Variants in ZNF121 observed in about 807,000 individuals in gnomAD.
ZNF121 encodes the protein zinc finger protein 121 (clone ZHC32).
Under a neutral mutation model 2.4 loss-of-function variants are expected in ZNF121, and 1 was observed. That is an observed-to-expected ratio of 0.41 (90% CI 0.15 to 1.94). The LOEUF is 1.94. Ranked by LOEUF, ZNF121 falls within the 30% of genes most tolerant of loss-of-function variation. The pLI is 0.30. For missense variants in ZNF121, 369 were observed against 466.3 expected (o/e 0.79, Z 1.92); for synonymous variants, 173 against 158.6 (o/e 1.09, Z -0.68).
chr19:9,566,005 A>G lies in ZNF121; in HGVS notation c.1108T>C (p.Cys370Arg). The G allele has an allele frequency of 1.2e-6, 2 of 1,611,558 alleles. No homozygotes were observed. The highest frequency in any genetic ancestry group is 1.3e-5 in the African/African-American group (1 of 74,874). Residue 370 changes from cysteine (C) to arginine (R), a missense_variant, in exon 4 of 4, where the codon TGT (cysteine) becomes CGT (arginine). By Grantham distance (180) the Cys-to-Arg change is radical (BLOSUM62 -3). Around this residue, in one of 4 missense-constraint regions of ZNF121, gnomAD observed 127 missense variants for 169.9 expected, o/e 0.75. Coordinates refer to ENST00000320451, the MANE Select transcript of ZNF121 (RefSeq NM_001008727.5). ...RIHTGEKPYI[C>R]NECGKAYNRF... Reference sequence around the variant, plus strand: ...TTGTAGGCTTTCCCACATTCGTTACATATATAGGGTTTCTCTCCAGTGTGA... The same window carrying G: ...TTGTAGGCTTTCCCACATTCGTTACGTATATAGGGTTTCTCTCCAGTGTGA...
rs2074099477 is a variant in ZNF121, at chr19:9,561,325, C to T, written c.*4615G>A. The T allele has an allele frequency of 6.6e-6, 1 of 152,026 alleles. No homozygotes were observed. Among genetic ancestry groups the T allele is most frequent in the Non-Finnish European group, 1.5e-5 (1 of 68,006 alleles). The allele number at this position is 152,026 out of a possible 1,614,324, so 9.4% of individuals were successfully genotyped here. A position where few individuals can be genotyped will look rare whatever the true frequency, so the allele number is the denominator to read the frequency against. ...AGTCTAGGGCTGGAGACAAATGTAC[C>T]ATGAACAAACTGTTGCCCAGAAAAT... is the stretch of plus-strand genomic sequence containing the variant. On this transcript the variant is annotated 3_prime_UTR_variant, in exon 4 of 4. Coordinates refer to ENST00000320451, the MANE Select transcript of ZNF121 (RefSeq NM_001008727.5).
At chr19:9,582,940 G>T (rs1055426104) in intron 1 of ZNF121, among the ~76,000 whole-genome samples, 1 of 47,724 alleles carries the variant, frequency 2.1e-5, no homozygotes, top group Non-Finnish European at 3.6e-5. Flanking sequence ...TCCTGGCCAG[G>T]AGCGGAGGCT....
At chr19:9,579,773 T>C (rs964442891) in intron 1 of ZNF121, among the ~76,000 whole-genome samples, 8 of 152,210 alleles carry the variant, frequency 5.3e-5, no homozygotes, top group African/African-American at 1.9e-4. Context: ...TCATCTATTG[T>C]ACATTTCAAA....
chr19:9,583,769 G>T (rs2074265914), intron 1 of ZNF121, among the ~76,000 whole-genome samples: 2 of 151,976 alleles, frequency 1.3e-5, no homozygotes, highest in South Asian at 4.1e-4. Context: ...CCTCCCAAAT[G>T]GCTGGGACTA....
chr19:9,568,564 G>A (rs758464917), intron 2 of ZNF121, among the ~76,000 whole-genome samples: 20 of 151,804 alleles, frequency 1.3e-4, no homozygotes, highest in Non-Finnish European at 2.5e-4. Flanking sequence ...TAGTAGAGAC[G>A]GGGTTTCTCC....
At chr19:9,584,428 T>C (rs1045776678) in intron 1 of ZNF121, 33 bp downstream of exon 1, 2 of 152,294 alleles carry the variant, frequency 1.3e-5, no homozygotes, top group Non-Finnish European at 2.9e-5. Flanking sequence ...CGCCCCCCGC[T>C]ATCTCCGGGA....
Position 9,566,796 on chromosome 19 carries a change from T to G in ZNF121, c.317A>C (p.Asn106Thr). The G allele has an allele frequency of 4.3e-6, 7 of 1,614,216 alleles. No homozygotes were observed. The highest frequency in any genetic ancestry group is 5.9e-6 in the Non-Finnish European group (7 of 1,180,044). ...TGTTTCTCCATTGTGAGTTATCCTA[T>G]TTGCCTGAAGATGTGACTGATCAAC... Reference protein sequence around the residue: ...AFVDQSHLQANRITHNGETLY... With the variant: ...AFVDQSHLQATRITHNGETLY... The change falls in exon 4 of 4, where the codon AAT becomes ACT. Residue 106 changes from asparagine to threonine, a missense_variant. Physicochemically the swap from Asn to Thr is moderately conservative, Grantham distance 65. Around this residue, in one of 4 missense-constraint regions of ZNF121, gnomAD observed 168 missense variants for 162.3 expected, o/e 1.03. Transcript: ENST00000320451.
In ZNF121 at chr19:9,563,615, G is replaced by A; in HGVS notation, c.*2325C>T. 1 of 152,174 alleles carries A rather than the reference G, an allele frequency of 6.6e-6. No individual in the cohort carries two copies. Among genetic ancestry groups the A allele is most frequent in the East Asian group, 1.9e-4 (1 of 5,192 alleles). 9.4% of individuals were successfully genotyped at this position (152,174 alleles called of 1,614,324 possible). ...GCTGACTCTTTACTTTGTAGAGACA[G>A]CGTCACGCTCTGTTGTGCTGGCTGG... On this transcript the variant is annotated 3_prime_UTR_variant, in exon 4 of 4. Coordinates refer to ENST00000320451, the MANE Select transcript of ZNF121 (RefSeq NM_001008727.5).
Position 9,566,946 on chromosome 19 carries a change from G to A in ZNF121, c.167C>T (p.Pro56Leu). The A allele has an allele frequency of 3.1e-6, 5 of 1,614,216 alleles. No homozygotes were observed. The highest frequency in any genetic ancestry group is 1.1e-5 in the South Asian group (1 of 91,086). ...ENFPMLHNSA[P>L]AGETLSVLNQ... ...CAACACAGAAAGTGTCTCTCCAGCAGGGGCACTGTTGTGTAACATGGGAAA... is the reference window on the plus strand; with the variant it reads ...CAACACAGAAAGTGTCTCTCCAGCAAGGGCACTGTTGTGTAACATGGGAAA... Residue 56 changes from proline to leucine, a missense_variant, in exon 4 of 4, where the codon CCT becomes CTT. Coordinates refer to ENST00000320451, the MANE Select transcript of ZNF121 (RefSeq NM_001008727.5).
intron 1 of ZNF121, among the ~76,000 whole-genome samples, chr19:9,583,333 C>A (rs1008794787): frequency 6.6e-6 from 1 of 151,454 alleles, no homozygotes; most frequent in African/African-American, 2.4e-5. Context: ...TATTGCCTTT[C>A]TTTCTTTTTT....
intron 1 of ZNF121, among the ~76,000 whole-genome samples, chr19:9,574,877 T>C (rs2074199490): frequency 6.6e-6 from 1 of 152,164 alleles, no homozygotes; most frequent in Admixed American, 6.5e-5. Context: ...TTAACACAGG[T>C]CTTTGAATAA....
chr19:9,568,563 C>T (rs755410141), intron 2 of ZNF121, among the ~76,000 whole-genome samples: 16 of 152,014 alleles, frequency 1.1e-4, no homozygotes, highest in East Asian at 7.8e-4. Context: ...TTAGTAGAGA[C>T]GGGGTTTCTC....
chr19:9,568,297 A>G, intron 2 of ZNF121, 122 bp from the exon 3 acceptor site: 1 of 470,010 alleles, frequency 2.1e-6, no homozygotes, highest in Non-Finnish European at 3.8e-6. Flanking sequence ...AAAAAATTAA[A>G]CAGACATAGA....
chr19:9,579,284 C>T lies in ZNF121; in HGVS notation c.-160+5177G>A, dbSNP rs117394465. On this transcript the variant is annotated intron_variant, in intron 1 of 3. Coordinates refer to ENST00000320451, the MANE Select transcript of ZNF121 (RefSeq NM_001008727.5). ...AGAGAACAATACTCAGGTGTAGTGG[C>T]TCATGCCTGTAATCCCAAAACTTGA... Among the ~76,000 whole-genome samples the T allele has an allele frequency of 4.8e-3, 731 of 152,308 alleles. 3 individuals carry two copies. The highest frequency in any genetic ancestry group is 8.2e-3 in the Admixed American group (125 of 15,288).
At position 9,566,834 on chromosome 19, in the gene ZNF121, A is replaced by G. The variant is rs142957625; in HGVS notation, c.279T>C (p.Cys93=). The change falls in exon 4 of 4, where the codon TGT becomes TGC. Residue 93 remains cysteine (C), a synonymous_variant. Transcript: ENST00000320451. ...GTGACTGATCAACAAAGGCTTCCTC[A>G]CAGTCACTGTATTCAAAGGATTTGT... The part of the protein sequence containing the change: ...IGDKSFEYSD[C]EEAFVDQSHL... The G allele has an allele frequency of 3.1e-6, 5 of 1,614,038 alleles. No homozygotes were observed. In the African/African-American group the frequency reaches 6.7e-5, roughly 22 times the overall value.
chr19:9,565,956 T>C lies in ZNF121; in HGVS notation c.1157A>G (p.His386Arg). 1 of 1,563,192 alleles carries C rather than the reference T, an allele frequency of 6.4e-7. No homozygotes were observed. The highest frequency in any genetic ancestry group is 1.2e-5 in the South Asian group (1 of 83,338). The part of the protein sequence containing the change: ...AYNRFYLLTK[H>R]LKTH ...AGTTTTTCTTCAGTGTGTTTTTAAA[T>C]GTTTAGTAAGTAAATAAAATCTATT... The change falls in exon 4 of 4, where the codon CAT becomes CGT. Residue 386 changes from histidine (H) to arginine (R), a missense_variant. His to Arg is a conservative substitution (Grantham distance 29). Transcript: ENST00000320451.
intron 1 of ZNF121, among the ~76,000 whole-genome samples, chr19:9,576,378 A>G (rs913148959): frequency 6.6e-6 from 1 of 152,172 alleles, no homozygotes; most frequent in African/African-American, 2.4e-5. Flanking sequence ...GTACGTTGAC[A>G]TATCAAAATC....
In ZNF121 at chr19:9,560,977, G is replaced by C. The variant is rs1412984149; in HGVS notation, c.*4963C>G. 1 of 152,204 alleles carries C rather than the reference G, an allele frequency of 6.6e-6. No homozygotes were observed. The highest frequency in any genetic ancestry group is 1.5e-5 in the Non-Finnish European group (1 of 68,034). The allele number at this position is 152,204 out of a possible 1,614,324, so 9.4% of individuals were successfully genotyped here. A position where few individuals can be genotyped will look rare whatever the true frequency, so the allele number is the denominator to read the frequency against. On this transcript the variant is annotated 3_prime_UTR_variant, in exon 4 of 4. Coordinates refer to ENST00000320451, the MANE Select transcript of ZNF121 (RefSeq NM_001008727.5). ...GAGTGGTATGAGTTATCAATTCTGA[G>C]AGTAGCTTATATTTTAATCTAGGAT...
At chr19:9,583,360 CT>C (rs1413552730) in intron 1 of ZNF121, among the ~76,000 whole-genome samples, 1 of 151,276 alleles carries the variant, frequency 6.6e-6, no homozygotes, top group Non-Finnish European at 1.5e-5. Context: ...GAGTTTCGCT[CT>C]CATCGCCCAG....
Sources: allele counts gnomAD v4.1 joint callset (sites outside exome capture counted in the v4.1 genomes callset), GRCh38; gene constraint gnomAD v4.1.1; regional missense constraint gnomAD v4.1.1; transcripts MANE v1.5; gene names NCBI Gene and HGNC (gene_info 2026-07-23, HGNC 2026-07-21).